The following OSGIN1 variants were observed in gnomAD, a reference collection of about 807,000 sequenced individuals.
OSGIN1 encodes the protein oxidative stress-induced growth inhibitor 1.
A neutral mutation model predicts 20.1 loss-of-function variants in OSGIN1; 19 were observed. That is an observed-to-expected ratio of 0.95 (90% CI 0.66 to 1.39). OSGIN1 has a LOEUF of 1.39. OSGIN1 is among the 40% of genes most tolerant of loss of function. OSGIN1 has a pLI of 0.00. For synonymous variants in OSGIN1, 368 were observed against 297.8 expected (o/e 1.24, Z -2.43); for missense variants, 820 against 653.0 (o/e 1.26, Z -2.79).
rs1334558050 is a variant in OSGIN1 at position 83,959,288 on chromosome 16, C to T, written c.96C>T (p.Ser32=). Residue 32 remains serine (S), a synonymous_variant, in exon 3 of 6, where the codon TCC becomes TCT. Transcript: ENST00000393306. ...VGNGPSGICL[S]YLLSGYTPYT... Reference sequence around the variant, plus strand: ...ACGGCCCCTCTGGTATCTGCCTGTCCTACCTGCTCTCCGGCTACACACCCT... The same window carrying T: ...ACGGCCCCTCTGGTATCTGCCTGTCTTACCTGCTCTCCGGCTACACACCCT... The T allele has an allele frequency of 1.2e-6, 2 of 1,613,758 alleles. No homozygotes were observed. The highest frequency in any genetic ancestry group is 1.7e-6 in the Non-Finnish European group (2 of 1,179,952).
At chr16:83,964,905 G>A (rs764760751) in intron 5 of OSGIN1, among the ~76,000 whole-genome samples, 157 bp from the exon 6 acceptor site, 1 of 152,256 alleles carries the variant, frequency 6.6e-6, no homozygotes, top group South Asian at 2.1e-4. Flanking sequence ...CAGAAGAGGA[G>A]ACTGAGGCTT....
chr16:83,961,748 C>A (rs1157004646), intron 5 of OSGIN1, among the ~76,000 whole-genome samples: 1 of 152,050 alleles, frequency 6.6e-6, no homozygotes, highest in African/African-American at 2.4e-5. Context: ...AAGCAGCAGA[C>A]CGCCCTGTCA....
intron 5 of OSGIN1, among the ~76,000 whole-genome samples, chr16:83,963,943 G>A (rs1219122975): frequency 6.6e-6 from 1 of 152,228 alleles, no homozygotes. Context: ...TCCTGCTGCT[G>A]CGTGGGCTGG....
chr16:83,960,264 G>C (rs1265609933), intron 3 of OSGIN1, among the ~76,000 whole-genome samples: 1 of 152,194 alleles, frequency 6.6e-6, no homozygotes, highest in African/African-American at 2.4e-5. Context: ...GTTATCTGCT[G>C]TTAAGAGGCA....
At chr16:83,964,786 C>T (rs898655790) in intron 5 of OSGIN1, among the ~76,000 whole-genome samples, 4 of 152,144 alleles carry the variant, frequency 2.6e-5, no homozygotes, top group African/African-American at 7.2e-5. Context: ...GCCCAGGCAG[C>T]GGGGCTCTGG....
At chr16:83,964,097 A>G (rs1439044725) in intron 5 of OSGIN1, among the ~76,000 whole-genome samples, 1 of 152,200 alleles carries the variant, frequency 6.6e-6, no homozygotes, top group Non-Finnish European at 1.5e-5. Context: ...TGAGGTCAAG[A>G]GTTCGAAACC....
rs147230915 is a variant in OSGIN1 at position 83,965,613 on chromosome 16, A to G, written c.1040A>G (p.Gln347Arg). 1,831 of 1,613,168 alleles carry G rather than the reference A, an allele frequency of 1.1e-3. 3 individuals are homozygous for G. Among genetic ancestry groups the G allele is most frequent in the Non-Finnish European group, 1.3e-3 (1,548 of 1,180,020 alleles). ...YHKVHQMMRE[Q>R]SILSPSPYEG... ...AAGGTGCACCAGATGATGCGGGAGCAGTCCATCCTGTCGCCCAGCCCCTAT... is the reference window on the plus strand; with the variant it reads ...AAGGTGCACCAGATGATGCGGGAGCGGTCCATCCTGTCGCCCAGCCCCTAT... The change falls in exon 6 of 6, where the codon CAG becomes CGG. Residue 347 changes from glutamine to arginine, a missense_variant. Transcript: ENST00000393306.
chr16:83,962,291 T>C (rs10153189), intron 5 of OSGIN1, among the ~76,000 whole-genome samples: 19,876 of 152,250 alleles, frequency 0.13, 4,379 homozygotes, highest in African/African-American at 0.45. Flanking sequence ...CAGGCTGGAG[T>C]GCAGTGGCGC....
chr16:83,960,480 C>T, intron 3 of OSGIN1, 89 bp from the exon 4 acceptor site: 1 of 1,038,664 alleles, frequency 9.6e-7, no homozygotes, highest in Non-Finnish European at 1.4e-6. Context: ...TGGCCCGGCC[C>T]CAGTCCCCAC....
Position 83,960,682 on chromosome 16 carries a change from C to T in OSGIN1, c.318C>T (p.Val106=). 1 of 1,613,616 alleles carries T rather than the reference C, an allele frequency of 6.2e-7. No homozygotes were observed. Among genetic ancestry groups the T allele is most frequent in the Non-Finnish European group, 8.5e-7 (1 of 1,180,034 alleles). Residue 106 remains valine, a synonymous_variant, in exon 4 of 6, where the codon GTC becomes GTT. Transcript: ENST00000393306. ...ACTTTGGGGGAAACATGAAGTCGGT[C>T]CTCACCTGGAAGCACCGGAAGGAGC... ...DTDFGGNMKS[V]LTWKHRKEHA... is the part of the protein sequence containing the mutation.
intron 5 of OSGIN1, among the ~76,000 whole-genome samples, chr16:83,963,299 G>A (rs2084236973): frequency 1.3e-5 from 2 of 152,164 alleles, no homozygotes; most frequent in Admixed American, 1.3e-4. Flanking sequence ...TATCCCAAGC[G>A]TTTCATGTGG....
rs1416421954 is a variant in OSGIN1, at chr16:83,965,372, C to T, written c.799C>T (p.His267Tyr). 14 of 1,573,500 alleles carry T rather than the reference C, an allele frequency of 8.9e-6. No homozygotes were observed. Among genetic ancestry groups the T allele is most frequent in the Admixed American group, 3.4e-5 (2 of 58,344 alleles). Residue 267 changes from histidine (H) to tyrosine (Y), a missense_variant, in exon 6 of 6, where the codon CAT becomes TAT. Transcript: ENST00000393306. ...IPGEALPFIH[H>Y]ELSALEAATR... ...CGGGGAGGCCCTGCCCTTCATCCAC[C>T]ATGAGCTGTCTGCCCTGGAGGCCGC...
chr16:83,959,991 C>A (rs1331041279), intron 3 of OSGIN1, among the ~76,000 whole-genome samples: 1 of 152,204 alleles, frequency 6.6e-6, no homozygotes, highest in Non-Finnish European at 1.5e-5. Context: ...CCACGACCTC[C>A]CCTTGTCGAC....
chr16:83,962,095 A>C (rs1455701552), intron 5 of OSGIN1, among the ~76,000 whole-genome samples: 1 of 151,156 alleles, frequency 6.6e-6, no homozygotes, highest in Non-Finnish European at 1.5e-5. Flanking sequence ...GCTCACCCCA[A>C]ACCCACACTT....
chr16:83,959,512 G>A, intron 3 of OSGIN1, 116 bp downstream of exon 3: 1 of 1,020,318 alleles, frequency 9.8e-7, no homozygotes, highest in East Asian at 2.7e-5. Flanking sequence ...ACTAAACAAA[G>A]AATTCGAGAG....
At chr16:83,963,419 G>A (rs1007116779) in intron 5 of OSGIN1, among the ~76,000 whole-genome samples, 9 of 149,244 alleles carry the variant, frequency 6.0e-5, no homozygotes, top group Non-Finnish European at 1.0e-4. Context: ...TTATGTGCCA[G>A]GCCTTGGGCT....
chr16:83,965,008 G>A, intron 5 of OSGIN1, 54 bp from the exon 6 acceptor site: 54 of 495,288 alleles, frequency 1.1e-4, no homozygotes, highest in East Asian at 1.3e-4. Context: ...GTCCCACCCA[G>A]CCCCCCAACC....
At chr16:83,955,525 G>A (rs1226451406) in intron 1 of OSGIN1, among the ~76,000 whole-genome samples, 1 of 152,176 alleles carries the variant, frequency 6.6e-6, no homozygotes, top group African/African-American at 2.4e-5. Context: ...CAACCACCTT[G>A]CAAACTATAA....
chr16:83,960,480 C>G, intron 3 of OSGIN1, 89 bp from the exon 4 acceptor site: 1 of 1,038,666 alleles, frequency 9.6e-7, no homozygotes, highest in South Asian at 1.5e-5. Flanking sequence ...TGGCCCGGCC[C>G]CAGTCCCCAC....
Sources: gnomAD v4.1 joint callset for allele counts (sites outside exome capture counted in the v4.1 genomes callset) on GRCh38, gnomAD v4.1.1 for gene constraint, MANE v1.5 for transcripts, NCBI Gene and HGNC (gene_info 2026-07-23, HGNC 2026-07-21) for gene names.